NAALADL2: variants seen among roughly 807,000 people sequenced by gnomAD.
NAALADL2 encodes N-acetylated alpha-linked acidic dipeptidase like 2, also known as inactive N-acetylated-alpha-linked acidic dipeptidase-like protein 2.
A neutral mutation model predicts 87.2 loss-of-function variants in NAALADL2; 76 were observed. That is an observed-to-expected ratio of 0.87 (90% CI 0.72 to 1.05). The LOEUF is 1.05. Ranked by LOEUF, NAALADL2 falls within the 50% of genes least tolerant of loss-of-function variation. The probability of loss-of-function intolerance (pLI) is 0.00; values close to 1 mark genes in which losing one functional copy is unlikely to be tolerated. For missense variants in NAALADL2, 1,089 were observed against 945.8 expected (o/e 1.15, Z -1.99); for synonymous variants, 354 against 331.0 (o/e 1.07, Z -0.75).
chr3:175,195,093 T>C (rs1560146951), intron 2 of NAALADL2, among the ~76,000 whole-genome samples: 1 of 151,716 alleles, frequency 6.6e-6, no homozygotes, highest in Non-Finnish European at 1.5e-5. Flanking sequence ...ATGACCAGGT[T>C]AATTCCACAT....
intron 11 of NAALADL2, among the ~76,000 whole-genome samples, chr3:175,636,475 G>C (rs1308340614): frequency 6.6e-6 from 1 of 152,072 alleles, no homozygotes; most frequent in Non-Finnish European, 1.5e-5. Flanking sequence ...GAGCAGGGCA[G>C]ATCACCTGAG....
rs552654878 is a variant in NAALADL2, at chr3:175,288,685, T to C, written c.939+32155T>C. ...TGAGCCAGTTGCTTAGAATCCATTCTGACTTGTCCGTTCCATGGGATGCGG... is the reference window on the plus strand; with the variant it reads ...TGAGCCAGTTGCTTAGAATCCATTCCGACTTGTCCGTTCCATGGGATGCGG... On this transcript the variant is annotated intron_variant, in intron 4 of 13. Transcript: ENST00000454872. Among the ~76,000 whole-genome samples, 10 of 152,330 alleles carry C rather than the reference T, an allele frequency of 6.6e-5. No homozygotes were observed. In the South Asian group the frequency reaches 2.1e-3, roughly 32 times the overall value.
chr3:174,633,492 C>T (rs1407887260), intron 2 of NAALADL2, among the ~76,000 whole-genome samples: 1 of 152,136 alleles, frequency 6.6e-6, no homozygotes. Context: ...AATATTTATC[C>T]ATCACTTCCA....
At chr3:175,671,767 C>A (rs1460739119) in intron 11 of NAALADL2, among the ~76,000 whole-genome samples, 2 of 151,824 alleles carry the variant, frequency 1.3e-5, no homozygotes, top group Admixed American at 1.3e-4. Flanking sequence ...AAAACTGTCA[C>A]CAAAATTTTA....
At chr3:175,005,047 T>A (rs187871117) in intron 1 of NAALADL2, among the ~76,000 whole-genome samples, 1 of 152,336 alleles carries the variant, frequency 6.6e-6, no homozygotes, top group Non-Finnish European at 1.5e-5. Context: ...AGGTACTTCC[T>A]CTTGCTAAAG....
intron 1 of NAALADL2, among the ~76,000 whole-genome samples, chr3:174,453,752 C>G (rs910251980): frequency 1.3e-5 from 2 of 152,100 alleles, no homozygotes; most frequent in African/African-American, 4.8e-5. Context: ...TACAAGAGCT[C>G]CTAAAGGAAG....
At chr3:175,086,866 A>G (rs1471664241) in intron 1 of NAALADL2, among the ~76,000 whole-genome samples, 1 of 152,162 alleles carries the variant, frequency 6.6e-6, no homozygotes, top group African/African-American at 2.4e-5. Context: ...TAGATTATTT[A>G]TCATCCTTTC....
At chr3:175,750,846 T>A (rs1746536207) in intron 12 of NAALADL2, among the ~76,000 whole-genome samples, 1 of 152,184 alleles carries the variant, frequency 6.6e-6, no homozygotes, top group Admixed American at 6.5e-5. Flanking sequence ...CAGGAATTTA[T>A]TAAGATTAAA....
intron 1 of NAALADL2, among the ~76,000 whole-genome samples, chr3:174,921,533 G>A (rs189297203): frequency 3.9e-5 from 6 of 152,092 alleles, no homozygotes; most frequent in Admixed American, 3.9e-4. Flanking sequence ...CTGGCGCGGT[G>A]GCTCACACCT....
At chr3:175,138,577 C>T (rs1047082119) in intron 2 of NAALADL2, among the ~76,000 whole-genome samples, 6 of 150,902 alleles carry the variant, frequency 4.0e-5, no homozygotes, top group Non-Finnish European at 7.4e-5. Context: ...TGCAAACTTA[C>T]GAAAAATGGC....
chr3:175,465,552 C>T (rs1234200556), intron 7 of NAALADL2, among the ~76,000 whole-genome samples: 2 of 146,652 alleles, frequency 1.4e-5, no homozygotes, highest in Non-Finnish European at 3.0e-5. Context: ...TCGCTCATTG[C>T]ATCCTCCGCC....
intron 2 of NAALADL2, among the ~76,000 whole-genome samples, chr3:175,115,521 T>G (rs901785317): frequency 1.3e-5 from 2 of 151,700 alleles, no homozygotes; most frequent in African/African-American, 4.8e-5. Context: ...AATAATACTT[T>G]CTTACCCAAT....
chr3:174,700,116 A>G (rs559102414), intron 2 of NAALADL2, among the ~76,000 whole-genome samples: 9 of 152,066 alleles, frequency 5.9e-5, no homozygotes, highest in African/African-American at 2.2e-4. Context: ...ATCTGAAAAA[A>G]AAAATGTATT....
chr3:174,948,880 C>T (rs1397256124), intron 1 of NAALADL2, among the ~76,000 whole-genome samples: 1 of 152,080 alleles, frequency 6.6e-6, no homozygotes, highest in African/African-American at 2.4e-5. Context: ...GACTGGGTGA[C>T]TTATAAACAA....
At chr3:175,437,085 C>T (rs1718807804) in intron 5 of NAALADL2, among the ~76,000 whole-genome samples, 1 of 147,338 alleles carries the variant, frequency 6.8e-6, no homozygotes, top group South Asian at 2.2e-4. Flanking sequence ...CCAGTTTTCC[C>T]AGCACCATTT....
chr3:174,895,739 GCAAA>G lies in NAALADL2; in HGVS notation c.43+36301_43+36304del, dbSNP rs201524628. 7.5e-3 allele frequency among the ~76,000 whole-genome samples: 1,143 copies of G among 151,944 alleles called. 12 individuals are homozygous for G. The highest frequency in any genetic ancestry group is 0.027 in the Middle Eastern group (8 of 294). Reference sequence around the variant, plus strand: ...AATACATCAAAACAAAAAAACGAAAGCAAACAAACAAACAACTGCAGGCCAATAA... The same window carrying G: ...AATACATCAAAACAAAAAAACGAAAGCAAACAAACAACTGCAGGCCAATAA... On this transcript the variant is annotated intron_variant, in intron 1 of 13. Transcript: ENST00000454872.
intron 1 of NAALADL2, among the ~76,000 whole-genome samples, chr3:174,928,806 G>C (rs1736457674): frequency 6.6e-6 from 1 of 152,132 alleles, no homozygotes; most frequent in Non-Finnish European, 1.5e-5. Context: ...TTTCATTGGT[G>C]AATGCAATAG....
At chr3:175,503,169 T>C (rs1195255157) in intron 9 of NAALADL2, among the ~76,000 whole-genome samples, 1 of 152,068 alleles carries the variant, frequency 6.6e-6, no homozygotes, top group East Asian at 1.9e-4. Context: ...ACTTACAAGT[T>C]AGAACTTGGA....
intron 2 of NAALADL2, among the ~76,000 whole-genome samples, chr3:174,610,327 A>G (rs1396290692): frequency 6.6e-6 from 1 of 151,922 alleles, no homozygotes; most frequent in East Asian, 1.9e-4. Flanking sequence ...GATCTAATTA[A>G]ACTAAAGAGC....
Sources: allele counts gnomAD v4.1 joint callset (sites outside exome capture counted in the v4.1 genomes callset), GRCh38; gene constraint gnomAD v4.1.1; transcripts MANE v1.5; gene names NCBI Gene and HGNC (gene_info 2026-07-23, HGNC 2026-07-21).